FCSK: variants seen among roughly 807,000 people sequenced by gnomAD.
The protein encoded by FCSK is fucose kinase, also known as L-fucose kinase.
A neutral mutation model predicts 122.5 loss-of-function variants in FCSK; 123 were observed. That is an observed-to-expected ratio of 1.00 (90% confidence interval 0.87 to 1.17). FCSK has a LOEUF of 1.17. Among genes scored for constraint, FCSK ranks in the 50% most tolerant of loss-of-function variants. The pLI, the probability that FCSK is intolerant of heterozygous loss-of-function variation, is 0.00. For synonymous variants in FCSK, 620 were observed against 625.5 expected, an observed-to-expected ratio of 0.99 and a Z score of 0.13; for missense variants, 1,366 against 1,450.4, an observed-to-expected ratio of 0.94 and a Z score of 0.95.
chr16:70,462,644 T>C (rs2151704597), intron 1 of FCSK, among the ~76,000 whole-genome samples: 1 of 150,818 alleles, frequency 6.6e-6, no homozygotes, highest in East Asian at 2.0e-4. Flanking sequence ...ATTTTTTCTT[T>C]TATTTATTTA....
At chr16:70,458,554 C>T (rs576838317) in intron 1 of FCSK, among the ~76,000 whole-genome samples, 5 of 151,650 alleles carry the variant, frequency 3.3e-5, no homozygotes, top group Admixed American at 1.3e-4. Flanking sequence ...GCAACCTCCA[C>T]CTCCCAGGTT....
intron 8 of FCSK, among the ~76,000 whole-genome samples, chr16:70,468,307 C>T (rs2048489830): frequency 6.6e-6 from 1 of 152,176 alleles, no homozygotes; most frequent in Non-Finnish European, 1.5e-5. Context: ...GTAATCCCAA[C>T]TACTTGAGAG....
Position 70,464,963 on chromosome 16 carries a change from C to T in FCSK, c.235-163C>T, listed in dbSNP as rs1016085368. ...CTGGGATCCCTTATCCAGGAGGGAC[C>T]AGGGCTGCCCCTTGTCTGCCTGTGG... is the stretch of plus-strand genomic sequence containing the variant. On this transcript the variant is annotated intron_variant, in intron 3 of 23. Transcript: ENST00000288078. 6 of 1,485,358 alleles carry T rather than the reference C, an allele frequency of 4.0e-6. No homozygotes were observed. The African/African-American group carries it at 7.0e-5, about 17-fold the overall frequency. The allele number at this position is 1,485,358 out of a possible 1,614,324, so 92.0% of individuals were successfully genotyped here.
At chr16:70,465,212 C>T in intron 4 of FCSK, 36 bp downstream of exon 4, 1 of 1,577,920 alleles carries the variant, frequency 6.3e-7, no homozygotes, top group Non-Finnish European at 8.7e-7. Context: ...AAGCAGAAGG[C>T]CAGAATCCCA....
chr16:70,474,520 C>T lies in FCSK; in HGVS notation c.1989-8C>T, dbSNP rs776336954. The T allele has an allele frequency of 4.5e-6, 7 of 1,546,990 alleles. No homozygotes were observed. The highest frequency in any genetic ancestry group is 2.0e-5 in the Admixed American group (1 of 50,954). Reference sequence around the variant, plus strand: ...GCATGCCACCATCCCTCCCCCTTCTCTTGGCAGGCCAGCCTTGCTGGTGCG... The same window carrying T: ...GCATGCCACCATCCCTCCCCCTTCTTTTGGCAGGCCAGCCTTGCTGGTGCG... On this transcript the variant is annotated splice_region_variant and splice_polypyrimidine_tract_variant and intron_variant, in intron 16 of 23. Transcript: ENST00000288078.
At chr16:70,457,502 A>G (rs1261243027) in intron 1 of FCSK, among the ~76,000 whole-genome samples, 2 of 152,102 alleles carry the variant, frequency 1.3e-5, no homozygotes, top group African/African-American at 4.8e-5. Context: ...TGATCTGCCC[A>G]CTTTGGCCTC....
Position 70,474,887 on chromosome 16 carries a change from G to GGCACGCCGCATCCCGGAGCCTGA in FCSK, c.2256_2278dup (p.Leu760HisfsTer20). 6.2e-7 allele frequency: 1 copy of GGCACGCCGCATCCCGGAGCCTGA among 1,605,832 alleles called. No homozygotes were observed. Among genetic ancestry groups the GGCACGCCGCATCCCGGAGCCTGA allele is most frequent in the Non-Finnish European group, 8.5e-7 (1 of 1,177,148 alleles). On this transcript the variant is annotated frameshift_variant, in exon 18 of 24. Transcript: ENST00000288078. LOFTEE classifies it high-confidence loss of function. ...ACGGCCGCCGGCCCATCGGAGCCAG[G>GGCACGCCGCATCCCGGAGCCTGA]GCACGCCGCATCCCGGAGCCTGAGC...
At chr16:70,465,233 T>G (rs908233251) in intron 4 of FCSK, 57 bp downstream of exon 4, 1 of 1,539,558 alleles carries the variant, frequency 6.5e-7, no homozygotes, top group South Asian at 1.2e-5. Flanking sequence ...GTTCGTGGAG[T>G]TGAGCAGGAC....
At chr16:70,474,034 T>A in intron 15 of FCSK, 95 bp from the exon 16 acceptor site, 1 of 1,150,806 alleles carries the variant, frequency 8.7e-7, no homozygotes, top group Non-Finnish European at 1.2e-6. Flanking sequence ...GTGTGAGGGG[T>A]CTGGCGCATT....
intron 1 of FCSK, among the ~76,000 whole-genome samples, chr16:70,462,885 T>TC (rs1567695495): frequency 6.6e-6 from 1 of 151,966 alleles, no homozygotes; most frequent in African/African-American, 2.4e-5. Context: ...CCTCAGGTGA[T>TC]CCCCCCACCT....
chr16:70,477,811 A>C (rs2048863410), intron 20 of FCSK: 1 of 163,320 alleles, frequency 6.1e-6, no homozygotes, highest in South Asian at 1.7e-4. Context: ...CCTCCCTAGA[A>C]GCTGGGATTA....
chr16:70,476,035 C>T (rs2048802905), intron 20 of FCSK, among the ~76,000 whole-genome samples: 2 of 149,998 alleles, frequency 1.3e-5, no homozygotes, highest in Admixed American at 1.3e-4. Flanking sequence ...CGGAGTCTTG[C>T]TCTGTCGCCC....
intron 10 of FCSK, 29 bp from the exon 11 acceptor site, chr16:70,470,285 G>GTACAGCCTAT: frequency 6.6e-7 from 1 of 1,506,420 alleles, no homozygotes; most frequent in Non-Finnish European, 9.2e-7. Flanking sequence ...GCAGGCATGG[G>GTACAGCCTAT]GTTGGGTTCA....
intron 19 of FCSK, 50 bp downstream of exon 19, chr16:70,475,543 C>G: frequency 6.3e-7 from 1 of 1,592,614 alleles, no homozygotes; most frequent in Non-Finnish European, 8.5e-7. Flanking sequence ...AGCCCTCCAG[C>G]CTTGCCTGTG....
intron 1 of FCSK, among the ~76,000 whole-genome samples, chr16:70,459,659 T>A (rs1005335031): frequency 6.8e-6 from 1 of 148,006 alleles, no homozygotes; most frequent in Admixed American, 6.7e-5. Context: ...TCTCCGTCTT[T>A]TTTTTTTTTT....
chr16:70,460,547 GGCAC>G (rs560355368), intron 1 of FCSK, among the ~76,000 whole-genome samples: 56 of 152,172 alleles, frequency 3.7e-4, no homozygotes, highest in African/African-American at 1.3e-3. Context: ...TGGGACTACA[GGCAC>G]GTGCCACCAC....
At chr16:70,460,774 A>G (rs2048241009) in intron 1 of FCSK, among the ~76,000 whole-genome samples, 1 of 152,204 alleles carries the variant, frequency 6.6e-6, no homozygotes, top group Non-Finnish European at 1.5e-5. Context: ...TCAGTGTCCC[A>G]GCTGTGCTCA....
intron 22 of FCSK, 129 bp downstream of exon 22, chr16:70,478,779 A>C: frequency 1.3e-6 from 1 of 786,458 alleles, no homozygotes; most frequent in Non-Finnish European, 2.2e-6. Context: ...ACAGAAGCCT[A>C]CTGTCTGTCC....
chr16:70,478,724 T>G (rs971314381), intron 22 of FCSK, 74 bp downstream of exon 22: 29 of 1,238,006 alleles, frequency 2.3e-5, no homozygotes, highest in Admixed American at 1.7e-4. Flanking sequence ...GAGGCCAGGG[T>G]CATCTGCAGG....
Sources: allele counts gnomAD v4.1 joint callset (sites outside exome capture counted in the v4.1 genomes callset), GRCh38; gene constraint gnomAD v4.1.1; transcripts MANE v1.5; gene names NCBI Gene and HGNC (gene_info 2026-07-23, HGNC 2026-07-21).